The following DOCK5 variants were observed in gnomAD, a reference collection of about 807,000 sequenced individuals.
DOCK5 encodes the protein dedicator of cytokinesis 5.
A neutral mutation model predicts 251.8 loss-of-function variants in DOCK5; 142 were observed. The ratio of observed to expected loss-of-function variants is 0.56; its 90% CI spans 0.49 to 0.65. DOCK5 has a LOEUF of 0.65. DOCK5 is among the 30% of genes least tolerant of loss of function. DOCK5 has a pLI of 0.00. For missense variants in DOCK5, 2,111 were observed against 2,312.3 expected, an observed-to-expected ratio of 0.91 and a Z score of 1.79; for synonymous variants, 842 against 835.5, an observed-to-expected ratio of 1.01 and a Z score of -0.13.
At position 25,254,796 on chromosome 8, in the gene DOCK5, A is replaced by AAAAAAAAAAAAAAAAAAAAAT. The variant is rs1586268762; in HGVS notation, c.127+11048_127+11049insAAAAAAAAAAATAAAAAAAAA. On this transcript the variant is annotated intron_variant, in intron 2 of 51. Coordinates refer to ENST00000276440, the MANE Select transcript of DOCK5 (RefSeq NM_024940.8). ...CTCAAAAAAAAACAAAACAAAACAA[A>AAAAAAAAAAAAAAAAAAAAAT]AAAAAAAAACATTTGATAAAGGACT... Among the ~76,000 whole-genome samples the AAAAAAAAAAAAAAAAAAAAAT allele has an allele frequency of 1.4e-5, 2 of 147,282 alleles. 1 individual carries two copies. The highest frequency in any genetic ancestry group is 3.0e-5 in the Non-Finnish European group (2 of 66,800).
In DOCK5 at chr8:25,184,721, C is replaced by T. The variant is rs1354642462; in HGVS notation, c.-188C>T. 3 of 278,482 alleles carry T rather than the reference C, an allele frequency of 1.1e-5. No individual in the cohort carries two copies. Among genetic ancestry groups the T allele is most frequent in the Non-Finnish European group, 1.8e-5 (3 of 166,330 alleles). The allele number at this position is 278,482 out of a possible 1,614,324, so 17.3% of individuals were successfully genotyped here. Reference sequence around the variant, plus strand: ...CGCTGCAGCCCGGCCCAGCAGGTGACCGCGGGCGGCGCGGGCACGGGCACG... The same window carrying T: ...CGCTGCAGCCCGGCCCAGCAGGTGATCGCGGGCGGCGCGGGCACGGGCACG... On this transcript the variant is annotated 5_prime_UTR_variant, in exon 1 of 52. Transcript: ENST00000276440.
intron 5 of DOCK5, among the ~76,000 whole-genome samples, chr8:25,283,357 G>A (rs200287539): frequency 1.3e-5 from 2 of 152,092 alleles, no homozygotes; most frequent in Admixed American, 6.6e-5. Context: ...TATCCTGTGC[G>A]GGTCCTGTTC....
intron 1 of DOCK5, among the ~76,000 whole-genome samples, chr8:25,231,346 C>T (rs969580245): frequency 2.6e-5 from 4 of 152,124 alleles, no homozygotes; most frequent in East Asian, 1.9e-4. Context: ...ACAGTGCTTC[C>T]GTGAACTTTC....
Position 25,325,536 on chromosome 8 carries a change from T to C in DOCK5, c.1892T>C (p.Leu631Pro). 6.2e-7 allele frequency: 1 copy of C among 1,613,448 alleles called. No homozygotes were observed. The highest frequency in any genetic ancestry group is 8.5e-7 in the Non-Finnish European group (1 of 1,179,602). The stretch of plus-strand genomic sequence containing the variant: ...GCCACCCTCATCTGCTCCACAAAGC[T>C]CACCCAGAATGGTAGGAGTGGTGAA... ...QIATLICSTK[L>P]TQNVDLLGLL... The change falls in exon 18 of 52, where the codon CTC (leucine) becomes CCC (proline). Residue 631 changes from leucine to proline, a missense_variant. Leu to Pro is a moderately conservative substitution (Grantham distance 98). Around this residue, in one of 3 missense-constraint regions of DOCK5, gnomAD observed 1,717 missense variants for 1,892.4 expected, o/e 0.91. Transcript: ENST00000276440.
At chr8:25,341,332 C>T (rs73676705) in intron 23 of DOCK5, among the ~76,000 whole-genome samples, 1 of 152,162 alleles carries the variant, frequency 6.6e-6, no homozygotes, top group African/African-American at 2.4e-5. Flanking sequence ...CCCAGAAGTG[C>T]AAAGTCACCA....
intron 1 of DOCK5, among the ~76,000 whole-genome samples, chr8:25,210,080 TTATCTATCTATC>T (rs34206435): frequency 0.13 from 3,526 of 26,274 alleles, 1,139 homozygotes; most frequent in Middle Eastern, 0.34. Context: ...ATCTGTCTAT[TTATCTATCTATC>T]TATCTATCTA....
At chr8:25,248,020 G>A (rs1803163269) in intron 2 of DOCK5, among the ~76,000 whole-genome samples, 6 of 152,190 alleles carry the variant, frequency 3.9e-5, no homozygotes, top group Admixed American at 3.3e-4. Context: ...TTAAAAGTAA[G>A]CGCATGTCAA....
intron 1 of DOCK5, among the ~76,000 whole-genome samples, chr8:25,186,207 T>A (rs1801427134): frequency 6.6e-6 from 1 of 152,108 alleles, no homozygotes; most frequent in Non-Finnish European, 1.5e-5. Flanking sequence ...TAGGTTGTGA[T>A]CCTTTATATA....
chr8:25,320,355 A>G (rs1051045077), intron 15 of DOCK5, among the ~76,000 whole-genome samples: 2 of 152,220 alleles, frequency 1.3e-5, no homozygotes, highest in African/African-American at 4.8e-5. Flanking sequence ...TCTATAGTTC[A>G]TATGTTTTGA....
intron 21 of DOCK5, among the ~76,000 whole-genome samples, chr8:25,335,945 C>T (rs1805794806): frequency 6.6e-6 from 1 of 152,204 alleles, no homozygotes; most frequent in African/African-American, 2.4e-5. Flanking sequence ...TTAAAATATC[C>T]TAGCAATTTG....
intron 27 of DOCK5, among the ~76,000 whole-genome samples, chr8:25,354,956 A>G (rs1800541972): frequency 6.6e-6 from 1 of 152,212 alleles, no homozygotes; most frequent in South Asian, 2.1e-4. Context: ...TATTTAGGCC[A>G]AGCACAATGG....
chr8:25,389,682 C>T (rs988829425), intron 41 of DOCK5, among the ~76,000 whole-genome samples: 1 of 152,128 alleles, frequency 6.6e-6, no homozygotes, highest in African/African-American at 2.4e-5. Flanking sequence ...TGGATTTTAA[C>T]CTCTCTTATC....
At position 25,302,373 on chromosome 8, in the gene DOCK5, C is replaced by T; in HGVS notation, c.895C>T (p.Gln299Ter). 6.2e-7 allele frequency: 1 copy of T among 1,612,806 alleles called. No individual in the cohort carries two copies. Residue 299 changes from glutamine to a stop codon, truncating the protein, a stop_gained, in exon 10 of 52, where the codon CAG becomes TAG. Transcript: ENST00000276440. LOFTEE classifies it high-confidence loss of function. Reference protein sequence around the residue: ...LIRPRVSLVCQIVRVGHMELK... With the variant: ...LIRPRVSLVC The stretch of plus-strand genomic sequence containing the variant: ...CCGGCCCCGCGTCAGCCTTGTGTGC[C>T]AGATTGTCCGCGTGGGCCATATGGA...
At chr8:25,285,895 G>A (rs1804319024) in intron 5 of DOCK5, among the ~76,000 whole-genome samples, 1 of 152,194 alleles carries the variant, frequency 6.6e-6, no homozygotes, top group African/African-American at 2.4e-5. Context: ...GCGTGGGACT[G>A]ACTGATGGGC....
intron 27 of DOCK5, among the ~76,000 whole-genome samples, chr8:25,357,622 C>A (rs1203965238): frequency 6.6e-6 from 1 of 152,066 alleles, no homozygotes; most frequent in Non-Finnish European, 1.5e-5. Context: ...AAGTGATCCG[C>A]CCACCTTGGC....
chr8:25,335,988 C>T (rs572520695), intron 21 of DOCK5, among the ~76,000 whole-genome samples: 74 of 152,284 alleles, frequency 4.9e-4, no homozygotes, highest in African/African-American at 1.7e-3. Flanking sequence ...CATAACCCTC[C>T]GGTTTAATCC....
At chr8:25,275,998 A>C (rs1363498859) in intron 4 of DOCK5, among the ~76,000 whole-genome samples, 1 of 152,198 alleles carries the variant, frequency 6.6e-6, no homozygotes, top group Non-Finnish European at 1.5e-5. Context: ...TAAACACAGA[A>C]GTAGCAAAAA....
At chr8:25,358,258 G>A (rs776249427) in intron 27 of DOCK5, among the ~76,000 whole-genome samples, 38 of 152,308 alleles carry the variant, frequency 2.5e-4, no homozygotes, top group Non-Finnish European at 4.4e-4. Flanking sequence ...GGAAGCAAAC[G>A]TCCTTCATCA....
chr8:25,302,073 C>A (rs1380471460), intron 9 of DOCK5, among the ~76,000 whole-genome samples: 1 of 152,166 alleles, frequency 6.6e-6, no homozygotes, highest in Non-Finnish European at 1.5e-5. Flanking sequence ...TTCCAACGGG[C>A]TGTGATCTGA....
Sources: gnomAD v4.1 joint callset for allele counts (sites outside exome capture counted in the v4.1 genomes callset) on GRCh38, gnomAD v4.1.1 for gene constraint, gnomAD v4.1.1 regional missense constraint, MANE v1.5 for transcripts, NCBI Gene and HGNC (gene_info 2026-07-23, HGNC 2026-07-21) for gene names.